Variants in ARHGEF38 observed in about 807,000 individuals in gnomAD.
ARHGEF38 encodes Rho guanine nucleotide exchange factor 38.
ARHGEF38 carries 79 observed loss-of-function variants against 79.9 expected under a neutral mutation model. The ratio of observed to expected loss-of-function variants is 0.99; its 90% confidence interval spans 0.82 to 1.19. ARHGEF38 has a LOEUF of 1.19. Ranked by LOEUF, ARHGEF38 falls within the 50% of genes most tolerant of loss-of-function variation. The pLI is 0.00. For missense variants in ARHGEF38, 962 were observed against 907.2 expected, an observed-to-expected ratio of 1.06 and a Z score of -0.78; for synonymous variants, 366 against 328.3, an observed-to-expected ratio of 1.11 and a Z score of -1.24.
intron 4 of ARHGEF38, 80 bp downstream of exon 4, chr4:105,631,125 G>C: frequency 1.4e-6 from 2 of 1,472,348 alleles, no homozygotes; most frequent in Non-Finnish European, 1.8e-6. Flanking sequence ...TAGATGAAAG[G>C]TCTCACATAA....
At chr4:105,618,478 G>A (rs902745156) in intron 3 of ARHGEF38, among the ~76,000 whole-genome samples, 8 of 151,912 alleles carry the variant, frequency 5.3e-5, no homozygotes, top group Admixed American at 6.6e-5. Flanking sequence ...AAAATTAGCC[G>A]GGCGTGGTGG....
At chr4:105,668,752 G>A (rs1014346228) in intron 13 of ARHGEF38, among the ~76,000 whole-genome samples, 5 of 152,038 alleles carry the variant, frequency 3.3e-5, no homozygotes, top group Admixed American at 2.0e-4. Flanking sequence ...AAAAGCATAC[G>A]TAACTTAAAA....
intron 1 of ARHGEF38, among the ~76,000 whole-genome samples, chr4:105,579,926 T>C (rs1726700199): frequency 6.6e-6 from 1 of 152,198 alleles, no homozygotes; most frequent in African/African-American, 2.4e-5. Context: ...ATTGGTCTGT[T>C]CAGAAATTGA....
chr4:105,651,650 C>T (rs776958386), intron 7 of ARHGEF38, among the ~76,000 whole-genome samples: 1 of 152,110 alleles, frequency 6.6e-6, no homozygotes, highest in Non-Finnish European at 1.5e-5. Flanking sequence ...TTCTCTCTCT[C>T]TTTTTTTAAA....
intron 2 of ARHGEF38, among the ~76,000 whole-genome samples, chr4:105,609,782 T>C (rs1459978315): frequency 6.6e-6 from 1 of 152,120 alleles, no homozygotes; most frequent in Non-Finnish European, 1.5e-5. Flanking sequence ...AAGCAATAAA[T>C]TAAATTGCCA....
chr4:105,561,401 AATAGAATAGAATAGAATAGAATG>A (rs1173497740), intron 1 of ARHGEF38, among the ~76,000 whole-genome samples: 235 of 13,430 alleles, frequency 0.017, 20 homozygotes, highest in East Asian at 0.022. Context: ...AGAGTAGAAT[AATAGAATAGAATAGAATAGAATG>A]GAATAGAATA....
At chr4:105,646,088 A>G (rs945334615) in intron 6 of ARHGEF38, among the ~76,000 whole-genome samples, 1 of 152,196 alleles carries the variant, frequency 6.6e-6, no homozygotes, top group African/African-American at 2.4e-5. Flanking sequence ...TTGTACTGCT[A>G]TTATTAAATC....
chr4:105,661,234 C>T (rs965287978), intron 10 of ARHGEF38, among the ~76,000 whole-genome samples: 3 of 152,104 alleles, frequency 2.0e-5, no homozygotes, highest in East Asian at 1.9e-4. Flanking sequence ...CGTCAGTTGA[C>T]GGGCATTTGG....
intron 2 of ARHGEF38, among the ~76,000 whole-genome samples, chr4:105,605,332 G>C (rs1291895093): frequency 3.3e-5 from 5 of 151,970 alleles, no homozygotes; most frequent in Admixed American, 2.6e-4. Context: ...TCTTAACTCA[G>C]GGACTTCTCG....
At chr4:105,634,656 T>C (rs959061652) in intron 4 of ARHGEF38, among the ~76,000 whole-genome samples, 5 of 152,154 alleles carry the variant, frequency 3.3e-5, no homozygotes, top group Non-Finnish European at 7.4e-5. Context: ...CTAAAGTCCC[T>C]GCTGCATTTC....
chr4:105,661,519 G>A (rs576507587), intron 10 of ARHGEF38, among the ~76,000 whole-genome samples: 2 of 138,530 alleles, frequency 1.4e-5, no homozygotes, highest in South Asian at 2.3e-4. Flanking sequence ...TATTATTATT[G>A]TTATAGCTAT....
At chr4:105,624,015 G>A (rs898775867) in intron 3 of ARHGEF38, among the ~76,000 whole-genome samples, 6 of 152,072 alleles carry the variant, frequency 3.9e-5, no homozygotes, top group African/African-American at 7.2e-5. Flanking sequence ...AGATGATCAC[G>A]ACAGGTTCCC....
intron 13 of ARHGEF38, among the ~76,000 whole-genome samples, chr4:105,668,452 A>G (rs1730838099): frequency 6.6e-6 from 1 of 152,162 alleles, no homozygotes; most frequent in Non-Finnish European, 1.5e-5. Context: ...ACTAATGCAA[A>G]AGCTACTGGT....
In ARHGEF38 at chr4:105,552,775, A is replaced by G. The variant is rs2110379494; in HGVS notation, c.10A>G (p.Lys4Glu). 2 of 1,609,882 alleles carry G rather than the reference A, an allele frequency of 1.2e-6. No homozygotes were observed. Among genetic ancestry groups the G allele is most frequent in the East Asian group, 2.2e-5 (1 of 44,850 alleles). The change falls in exon 1 of 14, where the codon AAA (lysine) becomes GAA (glutamate). Residue 4 changes from lysine to glutamate, a missense_variant. Coordinates refer to ENST00000420470, the MANE Select transcript of ARHGEF38 (RefSeq NM_001242729.2). MEPKEATGKENMVT... is the reference protein window; with the variant it reads MEPEEATGKENMVT... Reference sequence around the variant, plus strand: ...CTTGTCTTTGCCTAATATGGAGCCCAAAGAAGCCACTGGGAAAGAAAACAT... The same window carrying G: ...CTTGTCTTTGCCTAATATGGAGCCCGAAGAAGCCACTGGGAAAGAAAACAT...
intron 1 of ARHGEF38, among the ~76,000 whole-genome samples, chr4:105,582,199 TGTA>T (rs1726830639): frequency 6.7e-6 from 1 of 150,150 alleles, no homozygotes; most frequent in African/African-American, 2.4e-5. Context: ...TTCCTTGCAA[TGTA>T]GCTGCAAGGA....
rs889675720 is a variant in ARHGEF38, at chr4:105,680,588, A to T, written c.*2651A>T. ...GTAGCTCATTTTATGACATGAAAAA[A>T]ATCAAGGTCTAAAAGCTCCTTGAGA... is the stretch of plus-strand genomic sequence containing the variant. On this transcript the variant is annotated 3_prime_UTR_variant, in exon 14 of 14. Transcript: ENST00000420470. The T allele has an allele frequency of 1.3e-5, 2 of 152,740 alleles. No homozygotes were observed. Among genetic ancestry groups the T allele is most frequent in the Admixed American group, 1.3e-4 (2 of 15,364 alleles). 9.5% of individuals were successfully genotyped at this position (152,740 alleles called of 1,614,324 possible).
At chr4:105,566,059 A>G (rs1432528409) in intron 1 of ARHGEF38, among the ~76,000 whole-genome samples, 3 of 152,132 alleles carry the variant, frequency 2.0e-5, no homozygotes, top group Non-Finnish European at 4.4e-5. Flanking sequence ...AATCTAGTTC[A>G]GTGGAGGCCA....
At chr4:105,627,027 C>A (rs1050841241) in intron 3 of ARHGEF38, among the ~76,000 whole-genome samples, 2 of 152,188 alleles carry the variant, frequency 1.3e-5, no homozygotes, top group East Asian at 1.9e-4. Flanking sequence ...GAATAGGTAA[C>A]CCTCTGTACT....
Position 105,594,120 on chromosome 4 carries a change from G to A in ARHGEF38, c.384+4685G>A, listed in dbSNP as rs115269831. On this transcript the variant is annotated intron_variant, in intron 2 of 13. Transcript: ENST00000420470. ...CTAAGGTAATAGCAATTCTCTTAAG[G>A]TTCTCAGAATTCTCATGTCAGATCT... 1.3e-3 allele frequency among the ~76,000 whole-genome samples: 204 copies of A among 152,174 alleles called. 2 individuals carry two copies. Among genetic ancestry groups the A allele is most frequent in the Non-Finnish European group, 2.1e-3 (144 of 68,004 alleles).
Sources: gnomAD v4.1 joint callset for allele counts (sites outside exome capture counted in the v4.1 genomes callset) on GRCh38, gnomAD v4.1.1 for gene constraint, MANE v1.5 for transcripts, NCBI Gene and HGNC (gene_info 2026-07-23, HGNC 2026-07-21) for gene names.